The following MYO1H variants were observed in gnomAD, a reference collection of about 807,000 sequenced individuals.
The protein encoded by MYO1H is myosin IH.
In MYO1H, 118 loss-of-function variants were observed where a neutral mutation model predicts 149.3. The ratio of observed to expected loss-of-function variants is 0.79; its 90% CI spans 0.68 to 0.92. The LOEUF (loss-of-function observed/expected upper bound fraction) is 0.92. Among genes scored for constraint, MYO1H ranks in the 40% least tolerant of loss-of-function variants. The pLI, the probability that MYO1H is intolerant of heterozygous loss-of-function variation, is 0.00. For synonymous variants in MYO1H, 447 were observed against 465.2 expected (o/e 0.96, Z 0.50); for missense variants, 1,212 against 1,280.7 (o/e 0.95, Z 0.82).
chr12:109,348,146 A>G (rs543162421), intron 1 of MYO1H, among the ~76,000 whole-genome samples, 174 bp downstream of exon 1: 1 of 152,354 alleles, frequency 6.6e-6, no homozygotes, highest in African/African-American at 2.4e-5. Flanking sequence ...GATCATGTAG[A>G]TATCTCCCTT....
the MYO1H span, among the ~76,000 whole-genome samples, chr12:109,310,608 A>ATT: frequency 1.2e-4 from 16 of 138,626 alleles, no homozygotes; most frequent in African/African-American, 4.1e-4. Flanking sequence ...CGCACCTGTG[A>ATT]CTGTTTTTTT....
chr12:109,337,692 G>A, the MYO1H span, among the ~76,000 whole-genome samples: 3 of 152,114 alleles, frequency 2.0e-5, no homozygotes, highest in Non-Finnish European at 1.5e-5. Context: ...GGGGATTATG[G>A]GAGCTACAAT....
chr12:109,437,404 A>T (rs1209504465), intron 22 of MYO1H, among the ~76,000 whole-genome samples: 4 of 152,188 alleles, frequency 2.6e-5, no homozygotes, highest in African/African-American at 9.7e-5. Flanking sequence ...TTGATTTTGA[A>T]ATTCAACCAG....
the MYO1H span, among the ~76,000 whole-genome samples, chr12:109,312,568 G>A: frequency 2.6e-5 from 4 of 152,170 alleles, no homozygotes; most frequent in South Asian, 2.1e-4. Flanking sequence ...GGTCATGACC[G>A]TTTCTTCTCC....
At chr12:109,312,127 G>A in the MYO1H span, among the ~76,000 whole-genome samples, 1 of 152,176 alleles carries the variant, frequency 6.6e-6, no homozygotes, top group Non-Finnish European at 1.5e-5. Flanking sequence ...TAGAAACAGT[G>A]TTTGTACTGA....
chr12:109,437,636 G>C lies in MYO1H; in HGVS notation c.2210-900G>C, dbSNP rs558195042. ...AAAACTTTACATAAACAAGTGGCAG[G>C]CTGTAGTGGGCCAGCCCCTGAGCTA... On this transcript the variant is annotated intron_variant, in intron 22 of 31. Transcript: ENST00000310903. Among the ~76,000 whole-genome samples the C allele has an allele frequency of 3.3e-5, 5 of 152,300 alleles. No homozygotes were observed. In the South Asian group the frequency reaches 1.0e-3, roughly 32 times the overall value.
At chr12:109,310,767 T>G in the MYO1H span, among the ~76,000 whole-genome samples, 1 of 152,094 alleles carries the variant, frequency 6.6e-6, no homozygotes, top group African/African-American at 2.4e-5. Flanking sequence ...CTGGACGTCC[T>G]TCCTCCTTTC....
rs1294861320 is a variant in MYO1H at position 109,409,953 on chromosome 12, G to C, written c.1224-10G>C. ...ATAACTTTAGTTACTTAAATCTTTT[G>C]TATCTCTAGTTTTGAACAGTTCTGT... On this transcript the variant is annotated splice_polypyrimidine_tract_variant and intron_variant, in intron 11 of 31. Coordinates refer to ENST00000310903, the Ensembl canonical transcript of MYO1H. 1.4e-6 allele frequency: 2 copies of C among 1,425,986 alleles called. No homozygotes were observed. Among genetic ancestry groups the C allele is most frequent in the African/African-American group, 2.9e-5 (2 of 68,938 alleles). 88.3% of individuals were successfully genotyped at this position (1,425,986 alleles called of 1,614,324 possible). A position where few individuals can be genotyped will look rare whatever the true frequency, so the allele number is the denominator to read the frequency against.
chr12:109,353,882 C>A (rs963514634), intron 1 of MYO1H, among the ~76,000 whole-genome samples: 6 of 152,146 alleles, frequency 3.9e-5, no homozygotes, highest in Non-Finnish European at 2.9e-5. Context: ...TCTCAAAACT[C>A]CTGACCTCAG....
intron 1 of MYO1H, among the ~76,000 whole-genome samples, chr12:109,349,494 CA>C (rs1305844877): frequency 4.6e-5 from 5 of 109,732 alleles, no homozygotes; most frequent in East Asian, 2.3e-4. Flanking sequence ...GTGACCCCCC[CA>C]CCAAAAAAAT....
At chr12:109,423,001 G>C (rs1173423982) in intron 16 of MYO1H, among the ~76,000 whole-genome samples, 1 of 152,022 alleles carries the variant, frequency 6.6e-6, no homozygotes, top group African/African-American at 2.4e-5. Flanking sequence ...GGGATTGCTT[G>C]AGCCCAGGAG....
At chr12:109,398,145 T>C (rs1869995738) in intron 5 of MYO1H, among the ~76,000 whole-genome samples, 2 of 152,236 alleles carry the variant, frequency 1.3e-5, no homozygotes, top group African/African-American at 2.4e-5. Flanking sequence ...TATGATGCTA[T>C]CTTAAGAAGC....
the MYO1H span, among the ~76,000 whole-genome samples, chr12:109,322,162 A>G: frequency 9.9e-5 from 15 of 152,172 alleles, no homozygotes; most frequent in African/African-American, 3.6e-4. Flanking sequence ...ACACTTGCAT[A>G]TAAATTGGAT....
upstream of MYO1H, among the ~76,000 whole-genome samples, chr12:109,347,319 C>A (rs1868358799): frequency 1.3e-5 from 2 of 152,198 alleles, no homozygotes; most frequent in Non-Finnish European, 2.9e-5. Context: ...GTAAACCCAT[C>A]TGTAACTGAA....
At chr12:109,360,879 C>T (rs1352180675) in intron 1 of MYO1H, among the ~76,000 whole-genome samples, 2 of 152,190 alleles carry the variant, frequency 1.3e-5, no homozygotes, top group African/African-American at 2.4e-5. Flanking sequence ...CAATAATCTA[C>T]ACTTTTTGAA....
At chr12:109,400,231 C>T (rs78843389) in intron 5 of MYO1H, among the ~76,000 whole-genome samples, 5,816 of 152,282 alleles carry the variant, frequency 0.038, 120 homozygotes, top group Middle Eastern at 0.054. Context: ...GCACTTTGAA[C>T]ATCCTTGCAC....
chr12:109,427,663 T>C (rs1871410003), intron 19 of MYO1H, 77 bp downstream of exon 19: 2 of 1,017,924 alleles, frequency 2.0e-6, no homozygotes, highest in Non-Finnish European at 3.1e-6. Context: ...TAGTGGTAAA[T>C]AAAATGGCAT....
At chr12:109,426,049 C>T (rs1592811771) in exon 18 of MYO1H, 3 of 1,610,048 alleles carry the variant, frequency 1.9e-6, no homozygotes, top group Non-Finnish European at 1.7e-6. Flanking sequence ...AGGAAAGAAC[C>T]CAGTGAGTTG....
chr12:109,378,487 AT>A (rs111335120), intron 1 of MYO1H, among the ~76,000 whole-genome samples: 8 of 148,612 alleles, frequency 5.4e-5, no homozygotes, highest in Middle Eastern at 3.4e-3. Context: ...TACCCAGCCA[AT>A]TTTTTTTTTC....
Sources: allele counts gnomAD v4.1 joint callset (sites outside exome capture counted in the v4.1 genomes callset), GRCh38; gene constraint gnomAD v4.1.1; transcripts MANE v1.5; gene names NCBI Gene and HGNC (gene_info 2026-07-23, HGNC 2026-07-21).